The following RORA variants were observed in gnomAD, a reference collection of about 807,000 sequenced individuals.
The protein encoded by RORA is RAR related orphan receptor A, also known as nuclear receptor ROR-alpha.
RORA carries 7 observed loss-of-function variants against 69.5 expected under a neutral mutation model. The observed-to-expected ratio is 0.10, with a 90% confidence interval of 0.06 to 0.19. RORA has a LOEUF of 0.19. RORA is among the 10% of genes least tolerant of loss of function. The probability of loss-of-function intolerance (pLI) is 1.00; values close to 1 mark genes in which losing one functional copy is unlikely to be tolerated. For synonymous variants in RORA, 261 were observed against 240.8 expected, an observed-to-expected ratio of 1.08 and a Z score of -0.78; for missense variants, 457 against 663.0, an observed-to-expected ratio of 0.69 and a Z score of 3.41.
intron 1 of RORA, among the ~76,000 whole-genome samples, chr15:60,719,043 G>GGT (rs146129484): frequency 1.5e-4 from 23 of 150,352 alleles, no homozygotes; most frequent in South Asian, 4.2e-4. Flanking sequence ...GTGTGGGGGG[G>GGT]GTGTGTGTGT....
intron 1 of RORA, among the ~76,000 whole-genome samples, chr15:60,785,657 C>G (rs995338107): frequency 1.3e-5 from 2 of 152,168 alleles, no homozygotes; most frequent in Non-Finnish European, 2.9e-5. Context: ...GCCTCGGTAG[C>G]CTTCACCCAG....
chr15:60,782,454 A>G (rs1341639636), intron 1 of RORA, among the ~76,000 whole-genome samples: 3 of 152,232 alleles, frequency 2.0e-5, no homozygotes, highest in Admixed American at 2.0e-4. Flanking sequence ...AGGACAGCAG[A>G]ATAAACAAAT....
At chr15:60,694,420 T>C (rs2070873132) in intron 1 of RORA, among the ~76,000 whole-genome samples, 1 of 152,214 alleles carries the variant, frequency 6.6e-6, no homozygotes. Flanking sequence ...CTCCATGCCT[T>C]GCAGCGTTAA....
rs144731878 is a variant in RORA at position 60,556,871 on chromosome 15, G to A, written c.197-25020C>T. 6.2e-6 allele frequency: 10 copies of A among 1,612,850 alleles called. No individual in the cohort carries two copies. The African/African-American group carries it at 1.1e-4, about 17-fold the overall frequency. ...CCCTCACCATTCATGTATCCAGTTT[G>A]TACTTCCTTATCTTCCTTTTGTGAA... On this transcript the variant is annotated intron_variant, in intron 2 of 10. Transcript: ENST00000335670.
chr15:61,170,503 C>A (rs2079575931), intron 1 of RORA, among the ~76,000 whole-genome samples: 1 of 152,192 alleles, frequency 6.6e-6, no homozygotes, highest in Admixed American at 6.5e-5. Flanking sequence ...GGATCATCTC[C>A]CAACTCAAGG....
chr15:61,057,503 A>C (rs993463307), intron 1 of RORA, among the ~76,000 whole-genome samples: 4 of 152,236 alleles, frequency 2.6e-5, no homozygotes, highest in African/African-American at 7.2e-5. Flanking sequence ...AACTGAAAGC[A>C]CATGAAATTT....
chr15:60,905,132 G>A lies in RORA; in HGVS notation c.167-226446C>T, dbSNP rs774359772. ...GCTGGGGAGGCTTGGAAATATTTTA[G>A]TTACATAAACTGACATCAACCCCTC... On this transcript the variant is annotated intron_variant, in intron 1 of 10. Transcript: ENST00000335670. This position sits in a 1 kb window ranked among gnomAD's most constrained non-coding sequence, Gnocchi z 4.8. 6.6e-6 allele frequency among the ~76,000 whole-genome samples: 1 copy of A among 152,136 alleles called. No individual in the cohort carries two copies.
At chr15:60,607,209 G>A (rs1289070157) in intron 2 of RORA, among the ~76,000 whole-genome samples, 1 of 152,158 alleles carries the variant, frequency 6.6e-6, no homozygotes, top group African/African-American at 2.4e-5. Flanking sequence ...CACACCTGCC[G>A]AGTTTCTGAG....
chr15:61,061,062 G>T lies in RORA; in HGVS notation c.166+167991C>A, dbSNP rs1035816455. 2.0e-5 allele frequency among the ~76,000 whole-genome samples: 3 copies of T among 152,248 alleles called. No homozygotes were observed. Among genetic ancestry groups the T allele is most frequent in the African/African-American group, 7.2e-5 (3 of 41,558 alleles). On this transcript the variant is annotated intron_variant, in intron 1 of 10. Coordinates refer to ENST00000335670, the MANE Select transcript of RORA (RefSeq NM_134261.3). The surrounding 1 kb of genome is among the most constrained non-coding windows in gnomAD (Gnocchi z 4.4). ...CCTCCCTGGAATTTGGCATTAAAGG[G>T]CATTGCAAGGGCTGGGCGCGGTGGC...
chr15:61,036,467 T>C (rs752339222), intron 1 of RORA, among the ~76,000 whole-genome samples: 2 of 152,100 alleles, frequency 1.3e-5, no homozygotes, highest in Non-Finnish European at 2.9e-5. Context: ...TGGCAAACCA[T>C]TTGTATTTGG....
intron 1 of RORA, among the ~76,000 whole-genome samples, chr15:61,071,236 G>A: frequency 9.7e-5 from 1 of 10,260 alleles, no homozygotes; most frequent in Non-Finnish European, 1.9e-4. Flanking sequence ...GGGAAGGGAG[G>A]GGAGGGGAAG....
At chr15:60,550,532 T>C (rs534980983) in intron 2 of RORA, among the ~76,000 whole-genome samples, 1 of 152,340 alleles carries the variant, frequency 6.6e-6, no homozygotes, top group Admixed American at 6.5e-5. Flanking sequence ...AATGAAAGTG[T>C]TACCAGTTTT....
At chr15:61,107,340 C>T (rs947136232) in intron 1 of RORA, among the ~76,000 whole-genome samples, 2 of 152,062 alleles carry the variant, frequency 1.3e-5, no homozygotes, top group African/African-American at 2.4e-5. Context: ...CCAGGATGTA[C>T]GAAACTGCAG....
intron 1 of RORA, among the ~76,000 whole-genome samples, chr15:60,782,350 CT>C (rs2072276213): frequency 6.6e-6 from 1 of 152,182 alleles, no homozygotes; most frequent in Admixed American, 6.5e-5. Flanking sequence ...TTTGCAACCA[CT>C]CTTTTGCTTT....
At chr15:60,920,158 G>T (rs751005372) in intron 1 of RORA, among the ~76,000 whole-genome samples, 7 of 152,176 alleles carry the variant, frequency 4.6e-5, no homozygotes, top group Non-Finnish European at 1.0e-4. Flanking sequence ...AGGCAGAAAA[G>T]AAAGCTTCCG....
At chr15:60,591,581 G>T (rs1359334290) in intron 2 of RORA, among the ~76,000 whole-genome samples, 1 of 151,860 alleles carries the variant, frequency 6.6e-6, no homozygotes, top group East Asian at 1.9e-4. Context: ...CGGCAGGATT[G>T]GCCGCGACTA....
chr15:60,499,401 T>C (rs79638071), intron 10 of RORA, among the ~76,000 whole-genome samples: 5,465 of 152,172 alleles, frequency 0.036, 359 homozygotes, highest in African/African-American at 0.13. Context: ...CCAAGTGTGG[T>C]AGCACATATA....
intron 1 of RORA, among the ~76,000 whole-genome samples, chr15:60,853,817 C>T (rs1350871515): frequency 6.6e-6 from 1 of 152,202 alleles, no homozygotes; most frequent in African/African-American, 2.4e-5. Flanking sequence ...ATTGTTGTCC[C>T]TATTTGATGG....
At chr15:60,799,017 A>G (rs1382559473) in intron 1 of RORA, among the ~76,000 whole-genome samples, 1 of 151,278 alleles carries the variant, frequency 6.6e-6, no homozygotes, top group African/African-American at 2.4e-5. Flanking sequence ...ACCTTGAGTC[A>G]TGCCGAGAGG....
Sources: gnomAD v4.1 joint callset for allele counts (sites outside exome capture counted in the v4.1 genomes callset) on GRCh38, gnomAD v4.1.1 for gene constraint, Gnocchi (gnomAD v3.1) non-coding constraint, MANE v1.5 for transcripts, NCBI Gene and HGNC (gene_info 2026-07-23, HGNC 2026-07-21) for gene names.